Variants in CFAP299 observed in about 807,000 individuals in gnomAD.
The protein encoded by CFAP299 is cilia and flagella associated protein 299, also known as cilia- and flagella-associated protein 299.
In CFAP299, 21 loss-of-function variants were observed where a neutral mutation model predicts 27.0. The observed-to-expected ratio is 0.78, with a 90% CI of 0.55 to 1.12. CFAP299 has a LOEUF of 1.12. Ranked by LOEUF, CFAP299 falls within the 50% of genes most tolerant of loss-of-function variation. CFAP299 has a pLI of 0.00. For synonymous variants in CFAP299, 104 were observed against 98.1 expected (o/e 1.06, Z -0.36); for missense variants, 310 against 276.6 (o/e 1.12, Z -0.86).
chr4:80,395,465 A>G (rs1725728689), intron 2 of CFAP299, among the ~76,000 whole-genome samples: 1 of 152,116 alleles, frequency 6.6e-6, no homozygotes, highest in Non-Finnish European at 1.5e-5. Flanking sequence ...AAGAGTGGTC[A>G]TCCTTTTCTT....
Position 80,856,285 on chromosome 4 carries a change from T to G in CFAP299, c.334-13708T>G, listed in dbSNP as rs1398071542. 4.1e-5 allele frequency among the ~76,000 whole-genome samples: 6 copies of G among 145,930 alleles called. 1 individual carries two copies. In the East Asian group the frequency reaches 1.2e-3, roughly 29 times the overall value. ...TTCTTGTAAATTTGTTTGAGTTCAG[T>G]GTAGATTCTGGATATTAGCCCTTTG... On this transcript the variant is annotated intron_variant, in intron 3 of 5. Coordinates refer to ENST00000358105, the MANE Select transcript of CFAP299 (RefSeq NM_152770.3).
chr4:80,644,891 T>TATTA (rs1354291713), intron 3 of CFAP299, among the ~76,000 whole-genome samples: 7 of 152,172 alleles, frequency 4.6e-5, no homozygotes, highest in African/African-American at 1.7e-4. Context: ...AAAAAAAGAA[T>TATTA]ATTAGATGCA....
chr4:80,646,240 C>T (rs1304187033), intron 3 of CFAP299, among the ~76,000 whole-genome samples: 3 of 152,074 alleles, frequency 2.0e-5, no homozygotes, highest in Admixed American at 2.0e-4. Flanking sequence ...TTCCTTCGTC[C>T]CATGCAATAT....
At chr4:80,454,440 G>C (rs970768643) in intron 2 of CFAP299, among the ~76,000 whole-genome samples, 1 of 152,150 alleles carries the variant, frequency 6.6e-6, no homozygotes, top group African/African-American at 2.4e-5. Context: ...TATTGAAGTT[G>C]GTGCCCAGAG....
chr4:80,456,592 T>C (rs1378274731), intron 2 of CFAP299, among the ~76,000 whole-genome samples: 30 of 152,032 alleles, frequency 2.0e-4, no homozygotes, highest in Admixed American at 7.2e-4. Flanking sequence ...TTTACCTGAG[T>C]ACATAGAGAA....
chr4:80,675,643 AG>A (rs1719391802), intron 3 of CFAP299, among the ~76,000 whole-genome samples: 1 of 152,140 alleles, frequency 6.6e-6, no homozygotes, highest in African/African-American at 2.4e-5. Flanking sequence ...CTGCCCCCAG[AG>A]GTGGGGTCTA....
intron 3 of CFAP299, among the ~76,000 whole-genome samples, chr4:80,733,974 T>C (rs12502269): frequency 0.013 from 1,930 of 152,262 alleles, 136 homozygotes; most frequent in Admixed American, 0.11. Flanking sequence ...TTCTTTTGGA[T>C]ATATACCAAA....
At chr4:80,705,528 A>G (rs1351148323) in intron 3 of CFAP299, among the ~76,000 whole-genome samples, 1 of 151,828 alleles carries the variant, frequency 6.6e-6, no homozygotes, top group Non-Finnish European at 1.5e-5. Flanking sequence ...CGTGTGTCCA[A>G]GAAAAGAGGA....
At chr4:80,643,756 AG>A (rs976751459) in intron 3 of CFAP299, among the ~76,000 whole-genome samples, 7 of 152,182 alleles carry the variant, frequency 4.6e-5, no homozygotes, top group African/African-American at 1.2e-4. Flanking sequence ...CCTTCACTCC[AG>A]GGAAGTAAGA....
chr4:80,730,281 T>C (rs1196663715), intron 3 of CFAP299, among the ~76,000 whole-genome samples: 3 of 134,958 alleles, frequency 2.2e-5, no homozygotes, highest in Non-Finnish European at 4.7e-5. Flanking sequence ...TGTGTGTGTA[T>C]GTGTGTGTGT....
At chr4:80,609,335 A>C (rs1222153549) in intron 3 of CFAP299, among the ~76,000 whole-genome samples, 1 of 152,114 alleles carries the variant, frequency 6.6e-6, no homozygotes, top group Admixed American at 6.6e-5. Context: ...TATGCTAAAG[A>C]ATCTTGATAA....
At chr4:80,344,137 A>G (rs1371215985) in intron 1 of CFAP299, among the ~76,000 whole-genome samples, 2 of 152,206 alleles carry the variant, frequency 1.3e-5, no homozygotes, top group Admixed American at 6.5e-5. Flanking sequence ...GACAGGAAAT[A>G]ACCAACATCA....
At chr4:80,591,280 C>T (rs1428272638) in intron 3 of CFAP299, among the ~76,000 whole-genome samples, 3 of 150,678 alleles carry the variant, frequency 2.0e-5, no homozygotes, top group South Asian at 2.1e-4. Context: ...CCCGCCACTA[C>T]GCCCGGCTAA....
At chr4:80,800,512 T>C (rs1578138998) in intron 3 of CFAP299, among the ~76,000 whole-genome samples, 1 of 34,238 alleles carries the variant, frequency 2.9e-5, no homozygotes, top group Non-Finnish European at 4.7e-5. Context: ...TATTATATAA[T>C]ATATAATATA....
At chr4:80,763,819 A>G (rs1373346318) in intron 3 of CFAP299, among the ~76,000 whole-genome samples, 1 of 152,096 alleles carries the variant, frequency 6.6e-6, no homozygotes, top group Non-Finnish European at 1.5e-5. Context: ...ACAACCATCG[A>G]ATCTTCAACA....
intron 2 of CFAP299, among the ~76,000 whole-genome samples, chr4:80,430,559 G>C (rs190637236): frequency 1.3e-5 from 2 of 152,244 alleles, no homozygotes; most frequent in East Asian, 3.9e-4. Context: ...TTGATTATGT[G>C]TTCATTAGCA....
At chr4:80,648,241 C>G (rs1481824253) in intron 3 of CFAP299, among the ~76,000 whole-genome samples, 1 of 151,998 alleles carries the variant, frequency 6.6e-6, no homozygotes, top group Non-Finnish European at 1.5e-5. Flanking sequence ...GCTATGCTTT[C>G]CAGAAACTGA....
intron 3 of CFAP299, among the ~76,000 whole-genome samples, chr4:80,752,497 T>C (rs903081018): frequency 6.7e-6 from 1 of 148,876 alleles, no homozygotes; most frequent in Non-Finnish European, 1.5e-5. Context: ...ATGATATGTA[T>C]TTTTCTTCCT....
intron 2 of CFAP299, among the ~76,000 whole-genome samples, chr4:80,492,303 G>T (rs1731178514): frequency 6.6e-6 from 1 of 152,144 alleles, no homozygotes. Context: ...ATGGGCCATG[G>T]TCACTTATAT....
Sources: gnomAD v4.1 joint callset for allele counts (sites outside exome capture counted in the v4.1 genomes callset) on GRCh38, gnomAD v4.1.1 for gene constraint, MANE v1.5 for transcripts, NCBI Gene and HGNC (gene_info 2026-07-23, HGNC 2026-07-21) for gene names.